The following ULK4 variants were observed in gnomAD, a reference collection of about 807,000 sequenced individuals.
ULK4 encodes the protein inactive serine/threonine-protein kinase ULK4.
In ULK4, 133 loss-of-function variants were observed where a neutral mutation model predicts 160.6. The observed-to-expected ratio is 0.83, with a 90% CI of 0.72 to 0.96. The LOEUF (loss-of-function observed/expected upper bound fraction) is 0.96. ULK4 is among the 40% of genes least tolerant of loss of function. The pLI, the probability that ULK4 is intolerant of heterozygous loss-of-function variation, is 0.00. For synonymous variants in ULK4, 534 were observed against 539.8 expected (o/e 0.99, Z 0.15); for missense variants, 1,580 against 1,499.5 (o/e 1.05, Z -0.89).
intron 32 of ULK4, among the ~76,000 whole-genome samples, chr3:41,556,523 T>C (rs887243093): frequency 7.4e-6 from 1 of 134,888 alleles, no homozygotes; most frequent in Non-Finnish European, 1.5e-5. Flanking sequence ...AGTCTCGCTC[T>C]GTCGCCTAGG....
intron 22 of ULK4, among the ~76,000 whole-genome samples, chr3:41,723,725 G>T (rs549300257): frequency 1.3e-5 from 2 of 152,124 alleles, no homozygotes; most frequent in Non-Finnish European, 2.9e-5. Flanking sequence ...AAAACCATCT[G>T]GACTGAGAAA....
intron 34 of ULK4, among the ~76,000 whole-genome samples, chr3:41,454,399 G>T (rs2083492301): frequency 6.6e-6 from 1 of 151,008 alleles, no homozygotes; most frequent in Non-Finnish European, 1.5e-5. Flanking sequence ...AATTAGCTGG[G>T]CGTGGTGGTG....
At chr3:41,864,946 T>C (rs994725228) in intron 17 of ULK4, among the ~76,000 whole-genome samples, 2 of 151,974 alleles carry the variant, frequency 1.3e-5, no homozygotes, top group African/African-American at 4.8e-5. Context: ...CCCTTACATA[T>C]GCCTCACACT....
At chr3:41,535,806 G>T (rs1169839413) in intron 32 of ULK4, among the ~76,000 whole-genome samples, 1 of 152,170 alleles carries the variant, frequency 6.6e-6, no homozygotes, top group Non-Finnish European at 1.5e-5. Context: ...CAAGCCACAT[G>T]GGCATCCCCT....
chr3:41,298,845 A>C (rs1377374542), intron 35 of ULK4, among the ~76,000 whole-genome samples: 3 of 152,214 alleles, frequency 2.0e-5, no homozygotes, highest in African/African-American at 7.2e-5. Context: ...CCCTGGGGTA[A>C]AGCATCAGAT....
intron 32 of ULK4, among the ~76,000 whole-genome samples, chr3:41,532,985 C>G (rs1189632560): frequency 6.6e-6 from 1 of 152,188 alleles, no homozygotes; most frequent in Non-Finnish European, 1.5e-5. Context: ...CATGAGATTT[C>G]CAAGCCTAGG....
At chr3:41,649,622 C>T (rs1291469937) in intron 30 of ULK4, among the ~76,000 whole-genome samples, 2 of 152,210 alleles carry the variant, frequency 1.3e-5, no homozygotes, top group East Asian at 3.9e-4. Context: ...CCCCCTGCTG[C>T]CTCAGCCCCC....
chr3:41,381,327 A>T (rs189780613), intron 35 of ULK4, among the ~76,000 whole-genome samples: 6 of 152,304 alleles, frequency 3.9e-5, no homozygotes, highest in Non-Finnish European at 8.8e-5. Flanking sequence ...CGGAATCCAC[A>T]TTCAAGCATT....
At chr3:41,475,788 G>A (rs1382822589) in intron 32 of ULK4, among the ~76,000 whole-genome samples, 1 of 151,996 alleles carries the variant, frequency 6.6e-6, no homozygotes, top group African/African-American at 2.4e-5. Context: ...CTTCCATGTT[G>A]CATTTTCCCA....
chr3:41,342,556 A>C (rs2125752165), intron 35 of ULK4, among the ~76,000 whole-genome samples: 1 of 152,350 alleles, frequency 6.6e-6, no homozygotes, highest in East Asian at 1.9e-4. Flanking sequence ...AAAAAAGCCC[A>C]GGACCAGATA....
intron 30 of ULK4, among the ~76,000 whole-genome samples, chr3:41,650,868 T>G (rs918470555): frequency 1.3e-5 from 2 of 152,194 alleles, no homozygotes; most frequent in African/African-American, 4.8e-5. Context: ...AAGCCAAAAT[T>G]TATCAGCCCC....
chr3:41,877,900 G>C (rs990801957), intron 17 of ULK4, among the ~76,000 whole-genome samples: 2 of 151,926 alleles, frequency 1.3e-5, no homozygotes, highest in Admixed American at 1.3e-4. Context: ...AGAATCGCTT[G>C]AACCCGGGAG....
Position 41,626,226 on chromosome 3 carries a change from C to T in ULK4, c.3072-10509G>A, listed in dbSNP as rs373826784. ...CTTTAAGAATACATTATTTCACACT[C>T]TAACTCCCTCCTGTGCCTAAATGTT... On this transcript the variant is annotated intron_variant, in intron 30 of 36. Coordinates refer to ENST00000301831, the MANE Select transcript of ULK4 (RefSeq NM_017886.4). Among the ~76,000 whole-genome samples, 177 of 152,280 alleles carry T rather than the reference C, an allele frequency of 1.2e-3. 1 individual carries two copies. Among genetic ancestry groups the T allele is most frequent in the African/African-American group, 4.1e-3 (170 of 41,572 alleles).
intron 31 of ULK4, among the ~76,000 whole-genome samples, chr3:41,589,685 A>C (rs2031131565): frequency 1.3e-5 from 2 of 152,178 alleles, no homozygotes; most frequent in African/African-American, 4.8e-5. Context: ...AACCCCTAAA[A>C]AGTTAAAATA....
At chr3:41,309,830 G>T (rs1382672180) in intron 35 of ULK4, among the ~76,000 whole-genome samples, 1 of 151,644 alleles carries the variant, frequency 6.6e-6, no homozygotes, top group Non-Finnish European at 1.5e-5. Context: ...AGAATAAGCT[G>T]CACTAAAAAA....
At chr3:41,418,349 G>GGGC (rs1559586572) in intron 34 of ULK4, among the ~76,000 whole-genome samples, 1 of 144,350 alleles carries the variant, frequency 6.9e-6, no homozygotes, top group Admixed American at 6.9e-5. Context: ...TGGCGGGGGG[G>GGGC]GGGGCACGTT....
chr3:41,785,850 T>G (rs1488366610), intron 21 of ULK4, among the ~76,000 whole-genome samples: 1 of 152,198 alleles, frequency 6.6e-6, no homozygotes, highest in African/African-American at 2.4e-5. Context: ...GCCCAGGTTC[T>G]TCCATGTCCC....
intron 36 of ULK4, among the ~76,000 whole-genome samples, chr3:41,247,205 G>A (rs2078661986): frequency 6.6e-6 from 1 of 152,158 alleles, no homozygotes; most frequent in African/African-American, 2.4e-5. Context: ...TGAGCTCCCA[G>A]CCCCAGCCAC....
chr3:41,681,719 C>G, intron 28 of ULK4, 34 bp downstream of exon 28: 1 of 1,613,926 alleles, frequency 6.2e-7, no homozygotes, highest in Non-Finnish European at 8.5e-7. Context: ...GAATGTGTAA[C>G]TGATGCAATT....
Sources: allele counts gnomAD v4.1 joint callset (sites outside exome capture counted in the v4.1 genomes callset), GRCh38; gene constraint gnomAD v4.1.1; transcripts MANE v1.5; gene names NCBI Gene and HGNC (gene_info 2026-07-23, HGNC 2026-07-21).